Variants in ZBTB46 observed in about 807,000 individuals in gnomAD.
ZBTB46 encodes the protein zinc finger and BTB domain containing 46.
A neutral mutation model predicts 44.1 loss-of-function variants in ZBTB46; 8 were observed. The observed-to-expected ratio is 0.18, with a 90% CI of 0.11 to 0.33. The LOEUF (loss-of-function observed/expected upper bound fraction) is 0.33, where lower values mean the gene tolerates loss of function less well. ZBTB46 is among the 10% of genes least tolerant of loss of function. ZBTB46 has a pLI of 1.00. For missense variants in ZBTB46, 651 were observed against 847.7 expected, an observed-to-expected ratio of 0.77 and a Z score of 2.88; for synonymous variants, 409 against 382.3, an observed-to-expected ratio of 1.07 and a Z score of -0.81.
At chr20:63,761,461 G>C (rs1023328454) in intron 3 of ZBTB46, among the ~76,000 whole-genome samples, 2 of 151,990 alleles carry the variant, frequency 1.3e-5, no homozygotes, top group African/African-American at 4.8e-5. Context: ...TAAAAGTTTT[G>C]ATACAGCATT....
intron 2 of ZBTB46, among the ~76,000 whole-genome samples, chr20:63,777,119 C>G (rs79240334): frequency 0.23 from 10,877 of 48,324 alleles, 2,712 homozygotes; most frequent in East Asian, 0.74. Flanking sequence ...CACGGTTCCA[C>G]CACACGCCAC....
chr20:63,779,071 G>C (rs577758707), intron 2 of ZBTB46, among the ~76,000 whole-genome samples: 4 of 152,224 alleles, frequency 2.6e-5, no homozygotes, highest in Admixed American at 6.5e-5. Context: ...AGCGTGTTCA[G>C]GGATCAGGGC....
At chr20:63,807,633 C>G (rs971339501) in intron 1 of ZBTB46, among the ~76,000 whole-genome samples, 1 of 152,256 alleles carries the variant, frequency 6.6e-6, no homozygotes, top group Admixed American at 6.5e-5. Context: ...GTGTGAGCCA[C>G]CGCGCCCGGC....
At chr20:63,753,390 G>A (rs764040597) in intron 3 of ZBTB46, among the ~76,000 whole-genome samples, 5 of 152,248 alleles carry the variant, frequency 3.3e-5, no homozygotes, top group Non-Finnish European at 5.9e-5. Context: ...CGCCGGAGAA[G>A]CAGCCAGACC....
chr20:63,804,866 T>C (rs1283009693), intron 1 of ZBTB46, among the ~76,000 whole-genome samples: 1 of 149,222 alleles, frequency 6.7e-6, no homozygotes, highest in Non-Finnish European at 1.5e-5. Flanking sequence ...CACTCCAGCC[T>C]GGGCAACATA....
intron 2 of ZBTB46, among the ~76,000 whole-genome samples, chr20:63,782,891 C>G (rs545535006): frequency 7.2e-5 from 11 of 152,252 alleles, no homozygotes; most frequent in African/African-American, 2.6e-4. Flanking sequence ...TCGCTAAGCC[C>G]AGGAGTTTGA....
intron 1 of ZBTB46, among the ~76,000 whole-genome samples, chr20:63,817,105 CAA>C (rs755836932): frequency 7.8e-6 from 1 of 128,292 alleles, no homozygotes. Flanking sequence ...AACTCAGTCT[CAA>C]AAAAAAAAAG....
At chr20:63,791,722 G>A (rs967875974) in intron 1 of ZBTB46, among the ~76,000 whole-genome samples, 6 of 152,176 alleles carry the variant, frequency 3.9e-5, no homozygotes, top group Admixed American at 6.5e-5. Flanking sequence ...GGACGTCTGA[G>A]ACACGACTGG....
Position 63,776,761 on chromosome 20 carries a change from A to G in ZBTB46, c.938-799T>C, listed in dbSNP as rs1472160968. On this transcript the variant is annotated intron_variant, in intron 2 of 4. Transcript: ENST00000245663. ...GGAGGTTGCAATGAGCCGAGATCAC[A>G]CCACTGCACTCTAGCCTGGGCGACA... Among the ~76,000 whole-genome samples the G allele has an allele frequency of 2.6e-5, 4 of 151,326 alleles. No individual in the cohort carries two copies. The Admixed American group carries it at 2.6e-4, about 10-fold the overall frequency.
Position 63,831,167 on chromosome 20 carries a change from C to T in ZBTB46, c.-104G>A, listed in dbSNP as rs2092849249. On this transcript the variant is annotated 5_prime_UTR_variant, in exon 1 of 5. Coordinates refer to ENST00000245663, the MANE Select transcript of ZBTB46 (RefSeq NM_001369741.1). ...GGGCCGGCGCCGGTGATCGCCGCCG[C>T]CGCCGGGAGGGCGCTGCGTCCGGGC... 7.0e-6 allele frequency: 1 copy of T among 142,918 alleles called. No homozygotes were observed. The highest frequency in any genetic ancestry group is 2.1e-4 in the South Asian group (1 of 4,722). The allele number at this position is 142,918 out of a possible 1,614,324, so 8.9% of individuals were successfully genotyped here. A position where few individuals can be genotyped will look rare whatever the true frequency, so the allele number is the denominator to read the frequency against.
chr20:63,790,432 G>A lies in ZBTB46; in HGVS notation c.326C>T (p.Ala109Val), dbSNP rs776451515. The A allele has an allele frequency of 6.2e-7, 1 of 1,613,158 alleles. No individual in the cohort carries two copies. The highest frequency in any genetic ancestry group is 1.1e-5 in the South Asian group (1 of 91,088). The part of the protein sequence containing the change: ...SRNVIEVMSA[A>V]SFLQMTDIVQ... ...GATGTCCGTCATCTGCAGGAAGCTG[G>A]CGGCTGACATCACCTCGATGACGTT... Residue 109 changes from alanine to valine, a missense_variant, in exon 2 of 5, where the codon GCC (alanine) becomes GTC (valine). Physicochemically the swap from Ala to Val is moderately conservative, Grantham distance 64. Coordinates refer to ENST00000245663, the MANE Select transcript of ZBTB46 (RefSeq NM_001369741.1).
At chr20:63,758,483 A>G (rs946008881) in intron 3 of ZBTB46, among the ~76,000 whole-genome samples, 1 of 151,638 alleles carries the variant, frequency 6.6e-6, no homozygotes, top group African/African-American at 2.4e-5. Context: ...TGGGCCTGCT[A>G]TTCTGGAAAT....
In ZBTB46 at chr20:63,790,422, C is replaced by A. The variant is rs768593775; in HGVS notation, c.336G>T (p.Leu112=). 6.2e-7 allele frequency: 1 copy of A among 1,613,116 alleles called. No homozygotes were observed. The highest frequency in any genetic ancestry group is 1.1e-5 in the South Asian group (1 of 91,086). The part of the protein sequence containing the change: ...VIEVMSAASF[L]QMTDIVQACH... ...AGGCTTGCACGATGTCCGTCATCTGCAGGAAGCTGGCGGCTGACATCACCT... is the reference window on the plus strand; with the variant it reads ...AGGCTTGCACGATGTCCGTCATCTGAAGGAAGCTGGCGGCTGACATCACCT... The change falls in exon 2 of 5, where the codon CTG becomes CTT. Residue 112 remains leucine, a synonymous_variant. Coordinates refer to ENST00000245663, the MANE Select transcript of ZBTB46 (RefSeq NM_001369741.1).
intron 1 of ZBTB46, among the ~76,000 whole-genome samples, chr20:63,809,418 G>A (rs562876688): frequency 1.5e-4 from 23 of 152,272 alleles, no homozygotes; most frequent in Non-Finnish European, 2.9e-4. Context: ...CTGGGTCCAG[G>A]CCTCAGGAGC....
intron 1 of ZBTB46, among the ~76,000 whole-genome samples, chr20:63,819,427 A>C (rs4809362): frequency 0.18 from 27,138 of 151,910 alleles, 2,935 homozygotes; most frequent in East Asian, 0.46. Context: ...CTGACCCTGA[A>C]TCTCAGGCTC....
At chr20:63,826,450 C>T (rs1036414093) in intron 1 of ZBTB46, among the ~76,000 whole-genome samples, 1 of 151,968 alleles carries the variant, frequency 6.6e-6, no homozygotes, top group East Asian at 1.9e-4. Flanking sequence ...TGGCTGGGCA[C>T]GGTGGCTCAT....
In ZBTB46 at chr20:63,790,133, C is replaced by G; in HGVS notation, c.625G>C (p.Asp209His). 6.2e-7 allele frequency: 1 copy of G among 1,614,026 alleles called. No individual in the cohort carries two copies. Among genetic ancestry groups the G allele is most frequent in the Non-Finnish European group, 8.5e-7 (1 of 1,180,042 alleles). ...CATAGAGGCTGTGAAGAAACATCATCAGGGCCATCGGCCTTGGGCTCCTGA... is the reference window on the plus strand; with the variant it reads ...CATAGAGGCTGTGAAGAAACATCATGAGGGCCATCGGCCTTGGGCTCCTGA... ...EDQEPKADGP[D>H]DVSSQPLWPG... The change falls in exon 2 of 5, where the codon GAT becomes CAT. Residue 209 changes from aspartate to histidine, a missense_variant. Asp to His is a moderately conservative substitution (Grantham distance 81). Around this residue, in one of 5 missense-constraint regions of ZBTB46, gnomAD observed 385 missense variants for 423.3 expected, o/e 0.91. Transcript: ENST00000245663.
intron 3 of ZBTB46, among the ~76,000 whole-genome samples, chr20:63,759,791 A>G (rs925575560): frequency 6.6e-6 from 1 of 152,048 alleles, no homozygotes; most frequent in Non-Finnish European, 1.5e-5. Context: ...TTTTGTAGAT[A>G]CTTTTTGTCA....
intron 3 of ZBTB46, among the ~76,000 whole-genome samples, chr20:63,762,681 A>C (rs74945873): frequency 0.015 from 1,837 of 120,248 alleles, 17 homozygotes; most frequent in African/African-American, 0.033. Context: ...AACAAACAAA[A>C]AAAAAACCAA....
Sources: gnomAD v4.1 joint callset for allele counts (sites outside exome capture counted in the v4.1 genomes callset) on GRCh38, gnomAD v4.1.1 for gene constraint, gnomAD v4.1.1 regional missense constraint, MANE v1.5 for transcripts, NCBI Gene and HGNC (gene_info 2026-07-23, HGNC 2026-07-21) for gene names.